UNC5A: variants seen among roughly 807,000 people sequenced by gnomAD.
The protein encoded by UNC5A is unc-5 netrin receptor A.
Under a neutral mutation model 87.4 loss-of-function variants are expected in UNC5A, and 20 were observed. The ratio of observed to expected loss-of-function variants is 0.23; its 90% CI spans 0.16 to 0.33. UNC5A has a LOEUF of 0.33. UNC5A is among the 10% of genes least tolerant of loss of function. The pLI is 1.00. For synonymous variants in UNC5A, 438 were observed against 482.3 expected (o/e 0.91, Z 1.20); for missense variants, 844 against 1,133.4 (o/e 0.74, Z 3.67).
chr5:176,866,577 C>T lies in UNC5A; in HGVS notation c.293-1553C>T, dbSNP rs1343874524. The stretch of plus-strand genomic sequence containing the variant: ...AGGAACCATTAACAGACTTGTCCAC[C>T]CAAGGGAGAAAAAGTACCCAGTTCA... On this transcript the variant is annotated intron_variant, in intron 2 of 14. Coordinates refer to ENST00000329542, the MANE Select transcript of UNC5A (RefSeq NM_133369.3). This position sits in a 1 kb window ranked among gnomAD's most constrained non-coding sequence, Gnocchi z 5.0. 1.3e-5 allele frequency among the ~76,000 whole-genome samples: 2 copies of T among 152,154 alleles called. No individual in the cohort carries two copies. Among genetic ancestry groups the T allele is most frequent in the African/African-American group, 2.4e-5 (1 of 41,420 alleles).
At chr5:176,858,210 G>T (rs934758465) in intron 1 of UNC5A, among the ~76,000 whole-genome samples, 5 of 152,236 alleles carry the variant, frequency 3.3e-5, no homozygotes, top group Non-Finnish European at 7.3e-5. Context: ...TGTGACAACA[G>T]CTCCAGCACC....
chr5:176,858,341 G>C (rs1232540297), intron 1 of UNC5A, among the ~76,000 whole-genome samples: 1 of 152,332 alleles, frequency 6.6e-6, no homozygotes, highest in Non-Finnish European at 1.5e-5. Context: ...CTGGAGAGAA[G>C]GTAGGAAAGC....
intron 1 of UNC5A, among the ~76,000 whole-genome samples, chr5:176,829,270 T>TGGAG: frequency 5.2e-5 from 1 of 19,348 alleles, no homozygotes; most frequent in African/African-American, 5.5e-5. Context: ...GATGGGTGGC[T>TGGAG]GGATGGATGG....
intron 9 of UNC5A, 112 bp downstream of exon 9, chr5:176,877,391 A>G (rs1758288830): frequency 2.2e-6 from 3 of 1,352,884 alleles, no homozygotes; most frequent in East Asian, 4.8e-5. Flanking sequence ...CGGCGGGGGA[A>G]AGAGCTATGC....
rs1360290117 is a variant in UNC5A at position 176,866,710 on chromosome 5, G to A, written c.293-1420G>A. On this transcript the variant is annotated intron_variant, in intron 2 of 14. Coordinates refer to ENST00000329542, the MANE Select transcript of UNC5A (RefSeq NM_133369.3). The surrounding 1 kb of genome is among the most constrained non-coding windows in gnomAD (Gnocchi z 5.0). ...TCAGATGCCCTAAGTCACATTGAAA[G>A]ATAGCTGGTGCCCAAGGCCCCTCTC... Among the ~76,000 whole-genome samples, 1 of 152,162 alleles carries A rather than the reference G, an allele frequency of 6.6e-6. No individual in the cohort carries two copies. Among genetic ancestry groups the A allele is most frequent in the East Asian group, 1.9e-4 (1 of 5,186 alleles).
chr5:176,876,068 C>T (rs1357784652), intron 8 of UNC5A, among the ~76,000 whole-genome samples: 1 of 152,238 alleles, frequency 6.6e-6, no homozygotes, highest in Non-Finnish European at 1.5e-5. Context: ...CTGTGGTTGA[C>T]TTGTCCTTCT....
intron 1 of UNC5A, among the ~76,000 whole-genome samples, chr5:176,851,029 G>A (rs1007175741): frequency 1.3e-5 from 2 of 151,262 alleles, no homozygotes; most frequent in Non-Finnish European, 3.0e-5. Flanking sequence ...ATGGGGGCAT[G>A]GACGTGGGTC....
chr5:176,879,236 C>G, intron 13 of UNC5A, 74 bp from the exon 14 acceptor site: 1 of 1,500,246 alleles, frequency 6.7e-7, no homozygotes, highest in Non-Finnish European at 8.9e-7. Flanking sequence ...CTGGGAGCTC[C>G]CCCAGCAGGA....
Position 176,838,316 on chromosome 5 carries a change from T to C in UNC5A, c.71-24308T>C, listed in dbSNP as rs1450784486. On this transcript the variant is annotated intron_variant, in intron 1 of 14. Coordinates refer to ENST00000329542, the MANE Select transcript of UNC5A (RefSeq NM_133369.3). This position sits in a 1 kb window ranked among gnomAD's most constrained non-coding sequence, Gnocchi z 4.2. Reference sequence around the variant, plus strand: ...GCCTGTGATGGTTCCCCAATGCCTATAGAAATAAATAGTAGTTCCCCAACC... The same window carrying C: ...GCCTGTGATGGTTCCCCAATGCCTACAGAAATAAATAGTAGTTCCCCAACC... 3.9e-5 allele frequency among the ~76,000 whole-genome samples: 6 copies of C among 152,192 alleles called. No individual in the cohort carries two copies. Among genetic ancestry groups the C allele is most frequent in the Non-Finnish European group, 7.4e-5 (5 of 68,026 alleles).
chr5:176,866,073 G>A lies in UNC5A; in HGVS notation c.293-2057G>A, dbSNP rs140083266. 3.6e-3 allele frequency among the ~76,000 whole-genome samples: 548 copies of A among 152,308 alleles called. 4 individuals are homozygous for A. Among genetic ancestry groups the A allele is most frequent in the African/African-American group, 0.012 (517 of 41,580 alleles). On this transcript the variant is annotated intron_variant, in intron 2 of 14. Transcript: ENST00000329542. This position sits in a 1 kb window ranked among gnomAD's most constrained non-coding sequence, Gnocchi z 5.0. The stretch of plus-strand genomic sequence containing the variant: ...CCTCAGAGCCCCAGCTAGAAACCCT[G>A]GGCAGCCCAGGTTCACACACACACC...
chr5:176,813,544 C>G (rs1756519344), intron 1 of UNC5A, among the ~76,000 whole-genome samples: 1 of 152,192 alleles, frequency 6.6e-6, no homozygotes, highest in African/African-American at 2.4e-5. Flanking sequence ...CTAGGTCCTC[C>G]CAGGGGAGAG....
At chr5:176,853,248 G>C (rs1217180605) in intron 1 of UNC5A, among the ~76,000 whole-genome samples, 1 of 152,318 alleles carries the variant, frequency 6.6e-6, no homozygotes, top group African/African-American at 2.4e-5. Context: ...CTTAGGAAAG[G>C]CCTGAGCCTC....
At chr5:176,823,492 T>C (rs960120866) in intron 1 of UNC5A, among the ~76,000 whole-genome samples, 3 of 152,098 alleles carry the variant, frequency 2.0e-5, no homozygotes, top group African/African-American at 7.2e-5. Context: ...CAACAGGTCC[T>C]GGTGGTGCTG....
At chr5:176,859,617 T>C (rs1267337120) in intron 1 of UNC5A, among the ~76,000 whole-genome samples, 1 of 66,130 alleles carries the variant, frequency 1.5e-5, no homozygotes, top group South Asian at 5.8e-4. Flanking sequence ...TGCTACAATG[T>C]CCTTGCTAGA....
chr5:176,831,440 T>C (rs1490122590), intron 1 of UNC5A, among the ~76,000 whole-genome samples: 1 of 152,204 alleles, frequency 6.6e-6, no homozygotes, highest in African/African-American at 2.4e-5. Flanking sequence ...TGGCCTTCTC[T>C]GCGCAGGAAT....
chr5:176,855,421 G>T (rs982308331), intron 1 of UNC5A, among the ~76,000 whole-genome samples: 1 of 152,220 alleles, frequency 6.6e-6, no homozygotes, highest in Non-Finnish European at 1.5e-5. Context: ...GGATGGGAGA[G>T]GGGGAGCGTG....
At chr5:176,813,148 A>C (rs1756510172) in intron 1 of UNC5A, among the ~76,000 whole-genome samples, 1 of 152,082 alleles carries the variant, frequency 6.6e-6, no homozygotes, top group Non-Finnish European at 1.5e-5. Context: ...GCACGCAAGC[A>C]CCCATCTGTC....
chr5:176,849,902 T>C (rs2113634052), intron 1 of UNC5A, among the ~76,000 whole-genome samples: 1 of 152,206 alleles, frequency 6.6e-6, no homozygotes, highest in Non-Finnish European at 1.5e-5. Context: ...TTGTGGCAAG[T>C]TGAGGAGACA....
At chr5:176,839,660 C>T (rs1335669603) in intron 1 of UNC5A, among the ~76,000 whole-genome samples, 1 of 152,150 alleles carries the variant, frequency 6.6e-6, no homozygotes, top group Admixed American at 6.5e-5. Context: ...GGCAGGAAGG[C>T]TGAGGATGTG....
Sources: allele counts gnomAD v4.1 joint callset (sites outside exome capture counted in the v4.1 genomes callset), GRCh38; gene constraint gnomAD v4.1.1; non-coding constraint Gnocchi (gnomAD v3.1); transcripts MANE v1.5; gene names NCBI Gene and HGNC (gene_info 2026-07-23, HGNC 2026-07-21).